The following PTPN4 variants were observed in gnomAD, a reference collection of about 807,000 sequenced individuals.
The protein encoded by PTPN4 is tyrosine-protein phosphatase non-receptor type 4.
In PTPN4, 49 loss-of-function variants were observed where a neutral mutation model predicts 135.5. The observed-to-expected ratio is 0.36, with a 90% CI of 0.29 to 0.46. The LOEUF is 0.46. PTPN4 is among the 20% of genes least tolerant of loss of function. The probability of loss-of-function intolerance (pLI) is 1.00; values close to 1 mark genes in which losing one functional copy is unlikely to be tolerated. For synonymous variants in PTPN4, 333 were observed against 369.9 expected, an observed-to-expected ratio of 0.90 and a Z score of 1.14; for missense variants, 860 against 1,101.0, an observed-to-expected ratio of 0.78 and a Z score of 3.10.
intron 3 of PTPN4, among the ~76,000 whole-genome samples, chr2:119,876,897 ATG>A (rs3835789): frequency 0.26 from 35,215 of 135,834 alleles, 4,273 homozygotes; most frequent in South Asian, 0.32. Flanking sequence ...GCCCAAGAGC[ATG>A]TGTGTGTGTG....
intron 3 of PTPN4, 74 bp from the exon 4 acceptor site, chr2:119,877,249 G>T: frequency 6.7e-7 from 1 of 1,500,174 alleles, no homozygotes; most frequent in South Asian, 1.3e-5. Flanking sequence ...TCTCCAAATG[G>T]AACAGATTTG....
At chr2:119,940,929 A>T (rs950498056) in intron 15 of PTPN4, among the ~76,000 whole-genome samples, 2 of 152,078 alleles carry the variant, frequency 1.3e-5, no homozygotes, top group African/African-American at 4.8e-5. Flanking sequence ...CCTAACTCAG[A>T]TCTTTTCCAG....
Position 119,965,485 on chromosome 2 carries a change from A to T in PTPN4, c.2410-12A>T. ...CATAAGTCAAGGTGCATAATTTTTC[A>T]TTTGTTCTTAGAAAAATGAAAGTCG... On this transcript the variant is annotated splice_polypyrimidine_tract_variant and intron_variant, in intron 24 of 26. Coordinates refer to ENST00000263708, the MANE Select transcript of PTPN4 (RefSeq NM_002830.4). 1 of 1,594,894 alleles carries T rather than the reference A, an allele frequency of 6.3e-7. No homozygotes were observed. The highest frequency in any genetic ancestry group is 1.8e-5 in the Admixed American group (1 of 55,606).
intron 24 of PTPN4, among the ~76,000 whole-genome samples, 180 bp from the exon 25 acceptor site, chr2:119,965,317 A>G (rs138689964): frequency 6.6e-5 from 10 of 152,330 alleles, no homozygotes; most frequent in African/African-American, 2.4e-4. Flanking sequence ...ACAGGCACCA[A>G]CCAACTATGA....
At chr2:119,772,543 ATTTTTAT>A (rs1690754669) in intron 1 of PTPN4, among the ~76,000 whole-genome samples, 1 of 152,018 alleles carries the variant, frequency 6.6e-6, no homozygotes, top group African/African-American at 2.4e-5. Flanking sequence ...ATTTTATTTT[ATTTTTAT>A]TTTTTGAGGC....
At chr2:119,962,535 T>C in intron 23 of PTPN4, 81 bp from the exon 24 acceptor site, 1 of 869,950 alleles carries the variant, frequency 1.1e-6, no homozygotes, top group Non-Finnish European at 1.5e-6. Flanking sequence ...TGAAATTTAT[T>C]AAAAAAACAT....
chr2:119,956,751 C>A, intron 20 of PTPN4, 93 bp from the exon 21 acceptor site: 1 of 1,564,340 alleles, frequency 6.4e-7, no homozygotes, highest in Non-Finnish European at 8.6e-7. Flanking sequence ...GCAAAGAAAC[C>A]TGTTTCCTGT....
At chr2:119,929,849 T>C (rs569770036) in intron 13 of PTPN4, among the ~76,000 whole-genome samples, 1 of 152,150 alleles carries the variant, frequency 6.6e-6, no homozygotes, top group Admixed American at 6.5e-5. Flanking sequence ...TGCTGGAATT[T>C]TTTTTCTTCA....
chr2:119,887,314 T>A (rs545788374), intron 9 of PTPN4, among the ~76,000 whole-genome samples: 1 of 152,126 alleles, frequency 6.6e-6, no homozygotes, highest in African/African-American at 2.4e-5. Flanking sequence ...CATAATGAGA[T>A]CACATCTCTA....
chr2:119,851,351 G>A (rs1574369730), intron 2 of PTPN4, among the ~76,000 whole-genome samples: 1 of 152,150 alleles, frequency 6.6e-6, no homozygotes, highest in Non-Finnish European at 1.5e-5. Flanking sequence ...AGCAGGAGTG[G>A]AAGTTTATTA....
intron 14 of PTPN4, among the ~76,000 whole-genome samples, chr2:119,934,597 G>C (rs1027483423): frequency 2.0e-5 from 3 of 152,170 alleles, no homozygotes; most frequent in African/African-American, 7.2e-5. Flanking sequence ...ATCCTTGGCA[G>C]ATTGTTGATT....
chr2:119,879,130 T>TTA (rs1033725086), intron 5 of PTPN4, among the ~76,000 whole-genome samples: 1 of 151,812 alleles, frequency 6.6e-6, no homozygotes, highest in African/African-American at 2.4e-5. Context: ...CAAAGTCGTG[T>TTA]TATATGTATA....
rs1195119021 is a variant in PTPN4 at position 119,915,191 on chromosome 2, A to G, written c.777A>G (p.Val259=). The change falls in exon 11 of 27, where the codon GTA becomes GTG. Residue 259 remains valine (V), a synonymous_variant. Transcript: ENST00000263708. ...RMNTFPWLKI[V]KISFKCKQFF... ...GTCTTTTGTCCAGGTTGAAGATTGT[A>G]AAAATTTCTTTTAAGTGCAAACAGT... The G allele has an allele frequency of 7.1e-6, 11 of 1,543,994 alleles. No homozygotes were observed. The highest frequency in any genetic ancestry group is 9.6e-6 in the Non-Finnish European group (11 of 1,146,334).
At chr2:119,889,594 A>AT (rs1280535194) in intron 9 of PTPN4, among the ~76,000 whole-genome samples, 7 of 150,710 alleles carry the variant, frequency 4.6e-5, no homozygotes, top group African/African-American at 1.5e-4. Context: ...TTTATCCATC[A>AT]TTTTTTTTAT....
intron 18 of PTPN4, among the ~76,000 whole-genome samples, chr2:119,947,935 T>G (rs1679160364): frequency 6.6e-6 from 1 of 152,116 alleles, no homozygotes. Context: ...CACAGGGACC[T>G]CTCAGTCTAA....
At chr2:119,827,197 T>C (rs900467863) in intron 2 of PTPN4, among the ~76,000 whole-genome samples, 2 of 152,170 alleles carry the variant, frequency 1.3e-5, no homozygotes, top group Non-Finnish European at 2.9e-5. Flanking sequence ...TGCTTGAAGA[T>C]ACTAATCACA....
chr2:119,900,164 T>C (rs1306058549), intron 9 of PTPN4, among the ~76,000 whole-genome samples: 9 of 152,146 alleles, frequency 5.9e-5, no homozygotes, highest in Non-Finnish European at 1.2e-4. Context: ...AATTCAAATG[T>C]TATTCTCCGG....
In PTPN4 at chr2:119,825,634, T is replaced by A. The variant is rs536811870; in HGVS notation, c.138+15643T>A. ...CCTCAGCCTCCCGAGTAGCTAGGAT[T>A]ACAGATGCCTGCCACCACGCCTGGC... On this transcript the variant is annotated intron_variant, in intron 2 of 26. Transcript: ENST00000263708. Among the ~76,000 whole-genome samples, 16 of 152,110 alleles carry A rather than the reference T, an allele frequency of 1.1e-4. No individual in the cohort carries two copies. In the South Asian group the frequency reaches 2.7e-3, roughly 26 times the overall value.
chr2:119,765,084 C>T (rs59092658), intron 1 of PTPN4, among the ~76,000 whole-genome samples: 4,414 of 152,174 alleles, frequency 0.029, 220 homozygotes, highest in African/African-American at 0.1. Context: ...AAGCCTTGGG[C>T]AAAGTGTCTC....
Sources: allele counts gnomAD v4.1 joint callset (sites outside exome capture counted in the v4.1 genomes callset), GRCh38; gene constraint gnomAD v4.1.1; transcripts MANE v1.5; gene names NCBI Gene and HGNC (gene_info 2026-07-23, HGNC 2026-07-21).